Variants in C4orf51 observed in about 807,000 individuals in gnomAD.
The protein encoded by C4orf51 is chromosome 4 open reading frame 51.
Under a neutral mutation model 25.2 loss-of-function variants are expected in C4orf51, and 25 were observed. That is an observed-to-expected ratio of 0.99 (90% confidence interval 0.72 to 1.39). The LOEUF (loss-of-function observed/expected upper bound fraction) is 1.39, where lower values mean the gene tolerates loss of function less well. Ranked by LOEUF, C4orf51 falls within the 40% of genes most tolerant of loss-of-function variation. The pLI, the probability that C4orf51 is intolerant of heterozygous loss-of-function variation, is 0.00. For synonymous variants in C4orf51, 100 were observed against 84.5 expected (o/e 1.18, Z -1.01); for missense variants, 252 against 239.6 (o/e 1.05, Z -0.34).
intron 1 of C4orf51, among the ~76,000 whole-genome samples, chr4:145,768,001 A>G (rs778321664): frequency 5.9e-5 from 9 of 152,364 alleles, no homozygotes; most frequent in Non-Finnish European, 1.3e-4. Flanking sequence ...AACATTGTTT[A>G]AACAAAAATA....
intron 2 of C4orf51, among the ~76,000 whole-genome samples, chr4:145,719,487 C>T (rs189803040): frequency 6.6e-6 from 1 of 151,744 alleles, no homozygotes; most frequent in East Asian, 1.9e-4. Flanking sequence ...CGCCTATAGT[C>T]CCAGCTACTC....
chr4:145,685,929 A>G (rs771781758), intron 1 of C4orf51, among the ~76,000 whole-genome samples: 7 of 152,226 alleles, frequency 4.6e-5, no homozygotes, highest in Non-Finnish European at 7.3e-5. Context: ...CACAATGAAA[A>G]TTAGAAAACA....
intron 2 of C4orf51, among the ~76,000 whole-genome samples, chr4:145,702,920 G>A (rs891862643): frequency 1.3e-5 from 2 of 151,228 alleles, no homozygotes; most frequent in South Asian, 2.1e-4. Flanking sequence ...TTCCCACGCC[G>A]CCCCTAATCC....
At chr4:145,742,578 C>G (rs921191475) in intron 1 of C4orf51, among the ~76,000 whole-genome samples, 8 of 130,768 alleles carry the variant, frequency 6.1e-5, no homozygotes, top group Admixed American at 4.7e-4. Context: ...CTTGCTCTGT[C>G]GCCCAGGCTG....
chr4:145,790,377 T>G, the C4orf51 span, among the ~76,000 whole-genome samples: 1 of 152,166 alleles, frequency 6.6e-6, no homozygotes, highest in African/African-American at 2.4e-5. Context: ...AATTAAAAAT[T>G]TAATGATTCT....
intron 1 of C4orf51, among the ~76,000 whole-genome samples, chr4:145,764,142 A>C (rs1734928016): frequency 6.6e-6 from 1 of 152,238 alleles, no homozygotes; most frequent in Non-Finnish European, 1.5e-5. Context: ...TTCATTCAAC[A>C]TGATCGTTTA....
At chr4:145,760,981 A>C in intron 1 of C4orf51, 2 of 1,248,646 alleles carry the variant, frequency 1.6e-6, no homozygotes, top group Non-Finnish European at 2.1e-6. Flanking sequence ...GGAGCCGTTG[A>C]AGGCCAAAGC....
chr4:145,687,003 G>A (rs931073388), intron 1 of C4orf51, among the ~76,000 whole-genome samples: 1 of 78,596 alleles, frequency 1.3e-5, no homozygotes, highest in African/African-American at 5.6e-5. Context: ...TGGATCTTGT[G>A]GGGGGGGCGG....
chr4:145,782,479 T>C, the C4orf51 span, among the ~76,000 whole-genome samples: 1 of 152,154 alleles, frequency 6.6e-6, no homozygotes, highest in African/African-American at 2.4e-5. Flanking sequence ...CTCCCCCGAC[T>C]CTCTTTCAAC....
At chr4:145,730,851 A>G (rs1732418396) in intron 5 of C4orf51, among the ~76,000 whole-genome samples, 1 of 152,198 alleles carries the variant, frequency 6.6e-6, no homozygotes, top group Non-Finnish European at 1.5e-5. Context: ...ACATTTCGCT[A>G]ATGGGAGAGG....
chr4:145,789,641 A>T, the C4orf51 span, among the ~76,000 whole-genome samples: 1 of 152,170 alleles, frequency 6.6e-6, no homozygotes, highest in African/African-American at 2.4e-5. Context: ...CCTTTCCCAA[A>T]CCCGAATCTG....
chr4:145,755,220 T>C (rs544861141), downstream of C4orf51, among the ~76,000 whole-genome samples: 1 of 152,332 alleles, frequency 6.6e-6, no homozygotes, highest in African/African-American at 2.4e-5. Flanking sequence ...CCTCTTTTCA[T>C]AAGATGCTTA....
intron 2 of C4orf51, among the ~76,000 whole-genome samples, chr4:145,720,778 T>C (rs976713236): frequency 1.3e-5 from 2 of 152,326 alleles, no homozygotes; most frequent in South Asian, 4.1e-4. Context: ...AAGATGCCCC[T>C]GTGGGACAGT....
chr4:145,693,815 A>G (rs1578933044), intron 1 of C4orf51, among the ~76,000 whole-genome samples: 4 of 56,766 alleles, frequency 7.0e-5, no homozygotes, highest in Non-Finnish European at 1.0e-4. Flanking sequence ...CACCTCCCGG[A>G]CGGGGCGGCT....
At chr4:145,752,584 T>C (rs1733730928) in intron 1 of C4orf51, among the ~76,000 whole-genome samples, 1 of 152,204 alleles carries the variant, frequency 6.6e-6, no homozygotes. Context: ...GTGGTCCATT[T>C]TGGAGCTGTA....
At chr4:145,719,416 T>A (rs1731597397) in intron 2 of C4orf51, among the ~76,000 whole-genome samples, 1 of 151,914 alleles carries the variant, frequency 6.6e-6, no homozygotes, top group Non-Finnish European at 1.5e-5. Context: ...CCATCCTGGC[T>A]AACACTGTGA....
At chr4:145,778,698 T>C in the C4orf51 span, among the ~76,000 whole-genome samples, 1 of 152,230 alleles carries the variant, frequency 6.6e-6, no homozygotes, top group East Asian at 1.9e-4. Flanking sequence ...GAAATCTTTA[T>C]TTTGAACTTT....
intron 3 of C4orf51, 115 bp from the exon 4 acceptor site, chr4:145,729,054 A>G (rs1042375312): frequency 5.5e-6 from 4 of 731,588 alleles, no homozygotes; most frequent in Non-Finnish European, 9.5e-6. Flanking sequence ...TGACAGCAGT[A>G]TCAGTGCTTT....
chr4:145,691,975 G>GTAACATACCTGCACATGTAACC (rs1249172665), intron 1 of C4orf51, among the ~76,000 whole-genome samples: 1 of 88,248 alleles, frequency 1.1e-5, no homozygotes, highest in African/African-American at 6.1e-5. Flanking sequence ...CTGATATACA[G>GTAACATACCTGCACATGTAACC]CTGATAGGAA....
Sources: allele counts gnomAD v4.1 joint callset (sites outside exome capture counted in the v4.1 genomes callset), GRCh38; gene constraint gnomAD v4.1.1; transcripts MANE v1.5; gene names NCBI Gene and HGNC (gene_info 2026-07-23, HGNC 2026-07-21).